Variants in TENM3 observed in about 807,000 individuals in gnomAD.
TENM3 encodes teneurin-3.
In TENM3, 63 loss-of-function variants were observed where a neutral mutation model predicts 255.1. The ratio of observed to expected loss-of-function variants is 0.25; its 90% CI spans 0.20 to 0.30. TENM3 has a LOEUF of 0.30. Ranked by LOEUF, TENM3 falls within the 10% of genes least tolerant of loss-of-function variation. The pLI is 1.00. For synonymous variants in TENM3, 1,306 were observed against 1,322.3 expected (o/e 0.99, Z 0.27); for missense variants, 2,929 against 3,461.1 (o/e 0.85, Z 3.86).
At chr4:182,637,177 A>G (rs1429768763) in intron 5 of TENM3, among the ~76,000 whole-genome samples, 1 of 152,166 alleles carries the variant, frequency 6.6e-6, no homozygotes, top group African/African-American at 2.4e-5. Context: ...TCAGCATAAA[A>G]CCTTTAAGTT....
the TENM3 span, among the ~76,000 whole-genome samples, chr4:182,006,177 A>G: frequency 6.6e-6 from 1 of 152,158 alleles, no homozygotes; most frequent in Admixed American, 6.6e-5. Flanking sequence ...GCTTTTTCCC[A>G]TTCAATATAA....
chr4:181,948,307 C>G, the TENM3 span, among the ~76,000 whole-genome samples: 1 of 152,014 alleles, frequency 6.6e-6, no homozygotes, highest in African/African-American at 2.4e-5. Flanking sequence ...ATAGGATAAG[C>G]TGATATAAAA....
the TENM3 span, among the ~76,000 whole-genome samples, chr4:181,647,562 A>T: frequency 6.6e-6 from 1 of 152,274 alleles, no homozygotes. Context: ...TTTGTCGCTC[A>T]TTTCACAAAC....
rs569452477 is a variant in TENM3, at chr4:182,250,934, T to G, written c.-76+7458T>G. ...GCGGCATTTCAGATGGATAAGAATT[T>G]GTTATGCAAACAAGGGTTTGTTCAC... On this transcript the variant is annotated intron_variant, in intron 1 of 27. Transcript: ENST00000511685. Among the ~76,000 whole-genome samples, 4 of 152,314 alleles carry G rather than the reference T, an allele frequency of 2.6e-5. No homozygotes were observed. In the South Asian group the frequency reaches 8.3e-4, roughly 32 times the overall value.
chr4:181,495,273 T>C, the TENM3 span, among the ~76,000 whole-genome samples: 74 of 152,232 alleles, frequency 4.9e-4, no homozygotes, highest in African/African-American at 1.4e-3. Context: ...AAAGGAGTCA[T>C]AGGAGTTAGC....
the TENM3 span, among the ~76,000 whole-genome samples, chr4:181,662,438 C>T: frequency 6.6e-6 from 1 of 152,074 alleles, no homozygotes; most frequent in African/African-American, 2.4e-5. Flanking sequence ...TGATATATGT[C>T]CTGCAATCAT....
intron 2 of TENM3, among the ~76,000 whole-genome samples, chr4:182,341,143 A>C (rs1266226491): frequency 2.0e-5 from 3 of 152,082 alleles, no homozygotes; most frequent in African/African-American, 4.8e-5. Flanking sequence ...AGAGGCAATA[A>C]ATTAAATTTC....
At chr4:181,891,644 A>G in the TENM3 span, among the ~76,000 whole-genome samples, 1 of 152,178 alleles carries the variant, frequency 6.6e-6, no homozygotes, top group Non-Finnish European at 1.5e-5. Context: ...CATGTCAACT[A>G]TCACCTATAT....
At chr4:182,722,462 A>T (rs1759815531) in intron 13 of TENM3, among the ~76,000 whole-genome samples, 1 of 152,166 alleles carries the variant, frequency 6.6e-6, no homozygotes. Flanking sequence ...GATAGTAGGG[A>T]TGGATAGTGA....
chr4:181,905,907 A>G, the TENM3 span: 1 of 551,794 alleles, frequency 1.8e-6, no homozygotes, highest in East Asian at 4.7e-5. Flanking sequence ...ATTAAGTGCA[A>G]GCTCAGCAGA....
At chr4:182,293,963 G>C (rs1761294265) in intron 1 of TENM3, among the ~76,000 whole-genome samples, 1 of 152,180 alleles carries the variant, frequency 6.6e-6, no homozygotes. Flanking sequence ...TTAGTGGCAT[G>C]TGTGGGGAGA....
chr4:182,521,865 A>T (rs115623471), intron 3 of TENM3, among the ~76,000 whole-genome samples: 18 of 152,286 alleles, frequency 1.2e-4, no homozygotes, highest in African/African-American at 4.3e-4. Context: ...CGTTAGAGTC[A>T]AGATTCTCTT....
At chr4:181,485,048 T>C in the TENM3 span, among the ~76,000 whole-genome samples, 1 of 152,286 alleles carries the variant, frequency 6.6e-6, no homozygotes, top group South Asian at 2.1e-4. Flanking sequence ...ACAGGTGTTT[T>C]TCTTTAGATA....
chr4:181,600,712 A>G, the TENM3 span, among the ~76,000 whole-genome samples: 31 of 151,746 alleles, frequency 2.0e-4, no homozygotes, highest in African/African-American at 7.0e-4. Context: ...GCTGCCGTAG[A>G]CACACACCCA....
chr4:181,556,991 T>C, the TENM3 span, among the ~76,000 whole-genome samples: 1 of 152,208 alleles, frequency 6.6e-6, no homozygotes, highest in Non-Finnish European at 1.5e-5. Flanking sequence ...ATCTTGTTAT[T>C]AATGATGGTT....
At chr4:182,205,658 G>A (rs1754507725) in intron 1 of TENM3, among the ~76,000 whole-genome samples, 2 of 152,242 alleles carry the variant, frequency 1.3e-5, no homozygotes, top group Admixed American at 6.5e-5. Flanking sequence ...TGTGCCCTTG[G>A]CACATCGTTT....
At chr4:181,485,314 C>G in the TENM3 span, among the ~76,000 whole-genome samples, 1 of 152,050 alleles carries the variant, frequency 6.6e-6, no homozygotes, top group African/African-American at 2.4e-5. Context: ...CCTGTCAGGT[C>G]CATAACTCAT....
At chr4:182,334,129 CT>C (rs1357167184) in intron 2 of TENM3, among the ~76,000 whole-genome samples, 1 of 151,686 alleles carries the variant, frequency 6.6e-6, no homozygotes, top group East Asian at 1.9e-4. Context: ...AGAATAATGC[CT>C]GATACCTGTT....
the TENM3 span, among the ~76,000 whole-genome samples, chr4:181,715,340 G>T: frequency 6.6e-6 from 1 of 152,134 alleles, no homozygotes; most frequent in South Asian, 2.1e-4. Context: ...GTACTGCAGT[G>T]AATAGCCTTG....
Sources: gnomAD v4.1 joint callset for allele counts (sites outside exome capture counted in the v4.1 genomes callset) on GRCh38, gnomAD v4.1.1 for gene constraint, MANE v1.5 for transcripts, NCBI Gene and HGNC (gene_info 2026-07-23, HGNC 2026-07-21) for gene names.